LEF1: variants seen among roughly 807,000 people sequenced by gnomAD.
LEF1 encodes the protein lymphoid enhancer binding factor 1.
A neutral mutation model predicts 51.2 loss-of-function variants in LEF1; 14 were observed. That is an observed-to-expected ratio of 0.27 (90% CI 0.18 to 0.43). The LOEUF (loss-of-function observed/expected upper bound fraction) is 0.43. LEF1 is among the 20% of genes least tolerant of loss of function. The probability of loss-of-function intolerance (pLI) is 1.00; values close to 1 mark genes in which losing one functional copy is unlikely to be tolerated. For missense variants in LEF1, 386 were observed against 512.0 expected (o/e 0.75, Z 2.37); for synonymous variants, 185 against 183.2 (o/e 1.01, Z -0.08).
intron 6 of LEF1, 45 bp from the exon 7 acceptor site, chr4:108,079,659 C>T: frequency 6.2e-7 from 1 of 1,609,970 alleles, no homozygotes; most frequent in East Asian, 2.2e-5. Context: ...CTGGCTGTTG[C>T]AGCAAAAGCT....
chr4:108,102,771 A>G (rs1304673677), intron 3 of LEF1, among the ~76,000 whole-genome samples: 1 of 152,208 alleles, frequency 6.6e-6, no homozygotes, highest in Non-Finnish European at 1.5e-5. Flanking sequence ...CAAAGAGGAC[A>G]CATCTTTGGC....
intron 3 of LEF1, among the ~76,000 whole-genome samples, chr4:108,159,748 G>A (rs1168442774): frequency 2.0e-5 from 3 of 152,292 alleles, no homozygotes; most frequent in African/African-American, 4.8e-5. Flanking sequence ...AGAAACCAAA[G>A]TGTTGATTCC....
At chr4:108,153,082 C>T (rs770027307) in intron 3 of LEF1, among the ~76,000 whole-genome samples, 3 of 152,238 alleles carry the variant, frequency 2.0e-5, no homozygotes, top group Non-Finnish European at 4.4e-5. Flanking sequence ...GGAACTGCTG[C>T]CCTCTCAGCA....
Position 108,165,055 on chromosome 4 carries a change from C to A in LEF1, c.280+42G>T, listed in dbSNP as rs560698749. ...CACACCTATTTATACAAATTGCACC[C>A]CTTATCTGCTAAAGTCAGAAGAAGT... On this transcript the variant is annotated intron_variant, in intron 2 of 11. Coordinates refer to ENST00000265165, the MANE Select transcript of LEF1 (RefSeq NM_016269.5). The A allele has an allele frequency of 1.9e-6, 3 of 1,570,502 alleles. No homozygotes were observed. In the African/African-American group the frequency reaches 4.0e-5, roughly 21 times the overall value.
At chr4:108,099,002 G>A (rs749012813) in intron 3 of LEF1, among the ~76,000 whole-genome samples, 4 of 152,128 alleles carry the variant, frequency 2.6e-5, no homozygotes, top group Admixed American at 1.3e-4. Context: ...GCATTAGGTC[G>A]AGCCCTTGAA....
rs1216063636 is a variant in LEF1 at position 108,130,871 on chromosome 4, A to G, written c.414+32697T>C. On this transcript the variant is annotated intron_variant, in intron 3 of 11. Transcript: ENST00000265165. The stretch of plus-strand genomic sequence containing the variant: ...AAAGAAAATTAATGAGGCATACAAA[A>G]TTTTTTTTCTTGAACAATATTAAAC... Among the ~76,000 whole-genome samples the G allele has an allele frequency of 3.3e-5, 5 of 152,196 alleles. No homozygotes were observed. In the South Asian group the frequency reaches 1.0e-3, roughly 32 times the overall value.
Position 108,056,742 on chromosome 4 carries a change from G to A in LEF1, c.*6+6881C>T, listed in dbSNP as rs559396045. Among the ~76,000 whole-genome samples, 11 of 152,146 alleles carry A rather than the reference G, an allele frequency of 7.2e-5. No homozygotes were observed. The East Asian group carries it at 7.7e-4, about 11-fold the overall frequency. On this transcript the variant is annotated intron_variant, in intron 11 of 11. Transcript: ENST00000265165. ...CTCAGACTGGAGCATTCCCAGAAAC[G>A]ACACATATGGGAGCCTCTCCGGGCC...
intron 11 of LEF1, among the ~76,000 whole-genome samples, chr4:108,057,155 G>A (rs962705114): frequency 6.6e-6 from 1 of 151,970 alleles, no homozygotes; most frequent in Non-Finnish European, 1.5e-5. Context: ...TTCTAGCTGA[G>A]GTGCTTTCTA....
chr4:108,071,104 C>G (rs1738450861), intron 8 of LEF1, among the ~76,000 whole-genome samples: 1 of 152,176 alleles, frequency 6.6e-6, no homozygotes, highest in Non-Finnish European at 1.5e-5. Flanking sequence ...ACCTCAACAC[C>G]CAACTTCACT....
intron 3 of LEF1, among the ~76,000 whole-genome samples, chr4:108,144,646 G>GAGC (rs1224431021): frequency 6.6e-6 from 1 of 152,056 alleles, no homozygotes; most frequent in Non-Finnish European, 1.5e-5. Flanking sequence ...AGAAGGAAGG[G>GAGC]AGCAGAATTC....
intron 8 of LEF1, among the ~76,000 whole-genome samples, chr4:108,073,685 G>A (rs1033754168): frequency 3.9e-5 from 6 of 152,050 alleles, no homozygotes; most frequent in African/African-American, 7.2e-5. Context: ...CCCAAACAAC[G>A]AGGTATTTTT....
chr4:108,116,007 C>A (rs913547417), intron 3 of LEF1, among the ~76,000 whole-genome samples: 6 of 152,108 alleles, frequency 3.9e-5, no homozygotes, highest in African/African-American at 1.4e-4. Context: ...AGGTCCCTGA[C>A]AATGACAGAA....
chr4:108,143,232 C>G (rs1743781295), intron 3 of LEF1, among the ~76,000 whole-genome samples: 1 of 152,126 alleles, frequency 6.6e-6, no homozygotes, highest in South Asian at 2.1e-4. Context: ...TACTGGGTTA[C>G]AGTTTTTATG....
intron 3 of LEF1, among the ~76,000 whole-genome samples, chr4:108,149,502 G>A (rs1371309240): frequency 2.1e-5 from 3 of 144,566 alleles, no homozygotes; most frequent in Admixed American, 1.4e-4. Context: ...TTTTTAACAC[G>A]GTTTCATTGT....
At chr4:108,101,374 A>G (rs947847856) in intron 3 of LEF1, among the ~76,000 whole-genome samples, 2 of 152,242 alleles carry the variant, frequency 1.3e-5, no homozygotes, top group African/African-American at 4.8e-5. Flanking sequence ...GTATTAAAAT[A>G]GAGAAAGATG....
At chr4:108,138,183 T>G (rs1005888239) in intron 3 of LEF1, among the ~76,000 whole-genome samples, 1 of 152,184 alleles carries the variant, frequency 6.6e-6, no homozygotes, top group Admixed American at 6.5e-5. Context: ...ATGTGGAATT[T>G]CGAATATCAA....
intron 3 of LEF1, among the ~76,000 whole-genome samples, chr4:108,132,341 C>A (rs745632014): frequency 4.6e-5 from 7 of 152,138 alleles, no homozygotes; most frequent in South Asian, 2.1e-4. Flanking sequence ...AAAGCACATA[C>A]TTCCCAGAAA....
rs528580636 is a variant in LEF1 at position 108,048,558 on chromosome 4, G to A, written c.*200C>T. ...TGGCTCTTGCAGTAGACGAAAGAGG[G>A]GTTGGCAGTGATTGTCTTTATGGAT... is the stretch of plus-strand genomic sequence containing the variant. On this transcript the variant is annotated 3_prime_UTR_variant, in exon 12 of 12. Coordinates refer to ENST00000265165, the MANE Select transcript of LEF1 (RefSeq NM_016269.5). 9.1e-5 allele frequency: 50 copies of A among 547,736 alleles called. No individual in the cohort carries two copies. In the African/African-American group the frequency reaches 9.5e-4, roughly 10 times the overall value. The allele number at this position is 547,736 out of a possible 1,614,324, so 33.9% of individuals were successfully genotyped here.
chr4:108,126,796 CTT>C (rs1742564895), intron 3 of LEF1, among the ~76,000 whole-genome samples: 1 of 91,686 alleles, frequency 1.1e-5, no homozygotes, highest in African/African-American at 3.8e-5. Flanking sequence ...CAAAGGGAGA[CTT>C]TCTCTCAAAA....
Sources: gnomAD v4.1 joint callset for allele counts (sites outside exome capture counted in the v4.1 genomes callset) on GRCh38, gnomAD v4.1.1 for gene constraint, MANE v1.5 for transcripts, NCBI Gene and HGNC (gene_info 2026-07-23, HGNC 2026-07-21) for gene names.